TMEM154: variants seen among roughly 807,000 people sequenced by gnomAD.
TMEM154 encodes the protein transmembrane protein 154.
TMEM154 carries 27 observed loss-of-function variants against 24.5 expected under a neutral mutation model. The observed-to-expected ratio is 1.10, with a 90% confidence interval of 0.81 to 1.52. The LOEUF is 1.52. TMEM154 is among the 40% of genes most tolerant of loss of function. The probability of loss-of-function intolerance (pLI) is 0.00; values close to 1 mark genes in which losing one functional copy is unlikely to be tolerated. For missense variants in TMEM154, 228 were observed against 213.4 expected (o/e 1.07, Z -0.43); for synonymous variants, 67 against 76.8 (o/e 0.87, Z 0.67).
intron 3 of TMEM154, chr4:152,646,842 AAG>A (rs1324552987): frequency 1.5e-6 from 1 of 657,704 alleles, no homozygotes; most frequent in Non-Finnish European, 2.7e-6. Context: ...GAGCAAGAGA[AAG>A]AGTCTCTTTC....
chr4:152,649,853 A>T (rs1728339462), intron 3 of TMEM154, among the ~76,000 whole-genome samples: 1 of 152,252 alleles, frequency 6.6e-6, no homozygotes, highest in Non-Finnish European at 1.5e-5. Flanking sequence ...TAAAGTGAGT[A>T]TTGCAATAAA....
rs576502289 is a variant in TMEM154, at chr4:152,653,574, G to C, written c.65-647C>G. ...CCAGCTAATTTTTGTATTTTTAGTAGAGACAGGGTTTCACCATGTTGGCCA... is the reference window on the plus strand; with the variant it reads ...CCAGCTAATTTTTGTATTTTTAGTACAGACAGGGTTTCACCATGTTGGCCA... On this transcript the variant is annotated intron_variant, in intron 1 of 6. Transcript: ENST00000304385. 2.5e-4 allele frequency among the ~76,000 whole-genome samples: 38 copies of C among 151,322 alleles called. No homozygotes were observed. In the South Asian group the frequency reaches 6.9e-3, roughly 28 times the overall value.
At chr4:152,655,371 C>CT (rs1318866757) in intron 1 of TMEM154, among the ~76,000 whole-genome samples, 1 of 152,234 alleles carries the variant, frequency 6.6e-6, no homozygotes, top group Admixed American at 6.5e-5. Flanking sequence ...GGCCCTGAGA[C>CT]TAACACTGAG....
intron 5 of TMEM154, 85 bp from the exon 6 acceptor site, chr4:152,641,070 T>C: frequency 1.5e-6 from 2 of 1,313,108 alleles, no homozygotes; most frequent in Admixed American, 4.4e-5. Flanking sequence ...AATACCATAG[T>C]TCTCTGATCT....
At chr4:152,667,035 ACTT>A (rs1453507552) in intron 1 of TMEM154, 8 of 152,228 alleles carry the variant, frequency 5.3e-5, no homozygotes, top group Admixed American at 2.6e-4. Context: ...AACGGTACTA[ACTT>A]ATTATTTATT....
intron 6 of TMEM154, among the ~76,000 whole-genome samples, chr4:152,632,435 C>T (rs1167352828): frequency 6.6e-6 from 1 of 152,224 alleles, no homozygotes; most frequent in Admixed American, 6.5e-5. Flanking sequence ...CTTATTCCAT[C>T]TTACAATTTC....
At chr4:152,642,479 C>T (rs933123014) in intron 5 of TMEM154, among the ~76,000 whole-genome samples, 9 of 152,170 alleles carry the variant, frequency 5.9e-5, no homozygotes, top group Non-Finnish European at 1.0e-4. Flanking sequence ...ACTTCCATTA[C>T]TGCCAGATAT....
chr4:152,665,017 A>T (rs929926143), intron 1 of TMEM154, among the ~76,000 whole-genome samples: 1 of 152,218 alleles, frequency 6.6e-6, no homozygotes, highest in South Asian at 2.1e-4. Flanking sequence ...TAGTCTGCCC[A>T]TAGAATCACT....
intron 1 of TMEM154, among the ~76,000 whole-genome samples, chr4:152,657,758 G>T (rs1040648249): frequency 6.6e-6 from 1 of 152,162 alleles, no homozygotes; most frequent in African/African-American, 2.4e-5. Context: ...CAGACTAACA[G>T]TTAATTTCTC....
Position 152,621,511 on chromosome 4 carries a change from T to C in TMEM154, c.*7035A>G, listed in dbSNP as rs1033552464. ...AGTTCTAGTTAAAACAGGGAGGAAA[T>C]AGACTCTGCATCAGTTTCTAGGGGT... is the stretch of plus-strand genomic sequence containing the variant. On this transcript the variant is annotated 3_prime_UTR_variant, in exon 7 of 7. Transcript: ENST00000304385. The C allele has an allele frequency of 6.6e-6, 1 of 152,158 alleles. No homozygotes were observed. Among genetic ancestry groups the C allele is most frequent in the Non-Finnish European group, 1.5e-5 (1 of 68,036 alleles). The allele number at this position is 152,158 out of a possible 1,614,324, so 9.4% of individuals were successfully genotyped here.
At chr4:152,669,808 A>C (rs1728790276) in intron 1 of TMEM154, 1 of 152,258 alleles carries the variant, frequency 6.6e-6, no homozygotes, top group Non-Finnish European at 1.5e-5. Context: ...CATAGAAAAA[A>C]TTCAGAAACA....
At chr4:152,628,822 T>TA (rs2149776754) in intron 6 of TMEM154, among the ~76,000 whole-genome samples, 1 of 151,112 alleles carries the variant, frequency 6.6e-6, no homozygotes, top group African/African-American at 2.4e-5. Context: ...ATTTTTTTTT[T>TA]TTTTAGTAGA....
At position 152,621,534 on chromosome 4, in the gene TMEM154, G is replaced by A. The variant is rs1308295345; in HGVS notation, c.*7012C>T. On this transcript the variant is annotated 3_prime_UTR_variant, in exon 7 of 7. Transcript: ENST00000304385. ...AATAGACTCTGCATCAGTTTCTAGG[G>A]GTAGATTGATGCCATAATGGACCAG... 6.6e-6 allele frequency: 1 copy of A among 152,160 alleles called. No homozygotes were observed. Among genetic ancestry groups the A allele is most frequent in the Non-Finnish European group, 1.5e-5 (1 of 68,030 alleles). 9.4% of individuals were successfully genotyped at this position (152,160 alleles called of 1,614,324 possible). A position where few individuals can be genotyped will look rare whatever the true frequency, so the allele number is the denominator to read the frequency against.
chr4:152,678,404 G>A (rs1728989375), intron 1 of TMEM154, among the ~76,000 whole-genome samples: 1 of 152,056 alleles, frequency 6.6e-6, no homozygotes, highest in Admixed American at 6.5e-5. Flanking sequence ...AGTGTTTGAG[G>A]CACCTGTGGC....
intron 1 of TMEM154, among the ~76,000 whole-genome samples, chr4:152,656,218 C>T (rs1397731905): frequency 6.6e-6 from 1 of 152,162 alleles, no homozygotes; most frequent in Non-Finnish European, 1.5e-5. Flanking sequence ...CCAACACCCA[C>T]GTCAATCTGC....
chr4:152,656,500 C>T (rs1728494897), intron 1 of TMEM154, among the ~76,000 whole-genome samples: 2 of 152,118 alleles, frequency 1.3e-5, no homozygotes, highest in African/African-American at 2.4e-5. Context: ...GCACTGGTTC[C>T]AGCAGAATAA....
chr4:152,664,379 G>T lies in TMEM154; in HGVS notation c.65-11452C>A, dbSNP rs544597174. On this transcript the variant is annotated intron_variant, in intron 1 of 6. Coordinates refer to ENST00000304385, the MANE Select transcript of TMEM154 (RefSeq NM_152680.3). The stretch of plus-strand genomic sequence containing the variant: ...ACACACACTGGGGCCTGTCGTGGCG[G>T]GGGGGTACAAGGGGAGGGAGAGCAT... 9.9e-4 allele frequency among the ~76,000 whole-genome samples: 149 copies of T among 150,770 alleles called. 2 individuals are homozygous for T. Among genetic ancestry groups the T allele is most frequent in the Non-Finnish European group, 1.5e-3 (102 of 67,552 alleles).
intron 6 of TMEM154, among the ~76,000 whole-genome samples, chr4:152,640,120 T>C (rs998421510): frequency 1.3e-5 from 2 of 152,222 alleles, no homozygotes; most frequent in Non-Finnish European, 2.9e-5. Context: ...CTGGTGAACA[T>C]GGAGGGAGAG....
intron 6 of TMEM154, 45 bp downstream of exon 6, chr4:152,640,883 G>T: frequency 3.3e-6 from 2 of 609,634 alleles, no homozygotes; most frequent in Non-Finnish European, 5.9e-6. Flanking sequence ...CAATCCCCCC[G>T]CCCCCCGCCA....
Sources: gnomAD v4.1 joint callset for allele counts (sites outside exome capture counted in the v4.1 genomes callset) on GRCh38, gnomAD v4.1.1 for gene constraint, MANE v1.5 for transcripts, NCBI Gene and HGNC (gene_info 2026-07-23, HGNC 2026-07-21) for gene names.